Variants in ATP8A2 observed in about 807,000 individuals in gnomAD.
ATP8A2 encodes the protein phospholipid-transporting ATPase IB.
ATP8A2 carries 100 observed loss-of-function variants against 165.6 expected under a neutral mutation model. The observed-to-expected ratio is 0.60, with a 90% CI of 0.51 to 0.71. The LOEUF (loss-of-function observed/expected upper bound fraction) is 0.71. Among genes scored for constraint, ATP8A2 ranks in the 30% least tolerant of loss-of-function variants. The pLI, the probability that ATP8A2 is intolerant of heterozygous loss-of-function variation, is 0.00. For missense variants in ATP8A2, 1,227 were observed against 1,479.5 expected, an observed-to-expected ratio of 0.83 and a Z score of 2.80; for synonymous variants, 543 against 548.8, an observed-to-expected ratio of 0.99 and a Z score of 0.15.
chr13:25,500,017 C>A (rs1296789643), intron 2 of ATP8A2, among the ~76,000 whole-genome samples: 5 of 152,104 alleles, frequency 3.3e-5, no homozygotes, highest in Non-Finnish European at 7.3e-5. Flanking sequence ...TGAAACTCCC[C>A]AAACATGACA....
intron 2 of ATP8A2, among the ~76,000 whole-genome samples, chr13:25,501,531 T>C (rs1265174029): frequency 6.6e-6 from 1 of 152,220 alleles, no homozygotes; most frequent in Non-Finnish European, 1.5e-5. Context: ...ACATATTCCC[T>C]GGCAAGTTGT....
At chr13:25,654,176 C>T (rs17082600) in intron 24 of ATP8A2, among the ~76,000 whole-genome samples, 5,264 of 152,094 alleles carry the variant, frequency 0.035, 158 homozygotes, top group East Asian at 0.13. Flanking sequence ...CTTCTAAGGA[C>T]GGTAGCAGAG....
chr13:25,441,690 G>A (rs777817373), intron 1 of ATP8A2, among the ~76,000 whole-genome samples: 2 of 151,950 alleles, frequency 1.3e-5, no homozygotes, highest in Non-Finnish European at 2.9e-5. Flanking sequence ...CATCCTGCTT[G>A]GCATATATAC....
intron 25 of ATP8A2, among the ~76,000 whole-genome samples, chr13:25,762,268 CAAAAAAAAAAAAAA>C (rs59081934): frequency 4.8e-5 from 2 of 41,310 alleles, no homozygotes; most frequent in South Asian, 1.8e-3. Flanking sequence ...GACTCTGTCT[CAAAAAAAAAAAAAA>C]AAAAAAAAAA....
At chr13:25,731,682 A>G (rs982912000) in intron 25 of ATP8A2, among the ~76,000 whole-genome samples, 23 of 152,214 alleles carry the variant, frequency 1.5e-4, no homozygotes, top group African/African-American at 5.5e-4. Flanking sequence ...AGAATGTGGA[A>G]TATAACACCC....
chr13:25,710,405 C>A (rs929282470), intron 25 of ATP8A2, among the ~76,000 whole-genome samples: 2 of 152,132 alleles, frequency 1.3e-5, no homozygotes, highest in African/African-American at 4.8e-5. Context: ...GTTAGCCAAC[C>A]CCTCTGTATC....
chr13:25,537,707 A>G (rs1210865168), intron 6 of ATP8A2, among the ~76,000 whole-genome samples: 1 of 152,194 alleles, frequency 6.6e-6, no homozygotes, highest in African/African-American at 2.4e-5. Context: ...CATAATTGTA[A>G]GAAAACGAGA....
chr13:25,375,641 C>T (rs1391210580), intron 1 of ATP8A2, among the ~76,000 whole-genome samples: 2 of 150,168 alleles, frequency 1.3e-5, no homozygotes, highest in Non-Finnish European at 1.5e-5. Flanking sequence ...GGTGTGATCT[C>T]GGCTCACTGC....
chr13:25,917,138 A>G (rs1954292501), intron 33 of ATP8A2, among the ~76,000 whole-genome samples: 1 of 152,208 alleles, frequency 6.6e-6, no homozygotes, highest in Non-Finnish European at 1.5e-5. Context: ...TCTTCATGTC[A>G]GTAGAATTTT....
At chr13:25,469,910 CA>C (rs1226025737) in intron 2 of ATP8A2, among the ~76,000 whole-genome samples, 1 of 152,204 alleles carries the variant, frequency 6.6e-6, no homozygotes, top group Non-Finnish European at 1.5e-5. Context: ...ATTAAACTTT[CA>C]GGCTTAAACA....
intron 25 of ATP8A2, among the ~76,000 whole-genome samples, chr13:25,728,656 C>T (rs958898581): frequency 3.9e-5 from 6 of 152,092 alleles, no homozygotes; most frequent in East Asian, 1.9e-4. Flanking sequence ...TTCTAAAAAC[C>T]GTGCAAGTGA....
chr13:25,607,326 T>C (rs1054231757), intron 24 of ATP8A2, among the ~76,000 whole-genome samples: 12 of 152,110 alleles, frequency 7.9e-5, no homozygotes, highest in Non-Finnish European at 1.3e-4. Flanking sequence ...ATAAATAAAG[T>C]TTTATTGAAA....
At chr13:25,531,187 T>TATATATG (rs1491512636) in intron 4 of ATP8A2, among the ~76,000 whole-genome samples, 76 of 140,242 alleles carry the variant, frequency 5.4e-4, no homozygotes, top group Admixed American at 7.2e-4. Context: ...ATATATATGT[T>TATATATG]ATATATGTTA....
intron 33 of ATP8A2, among the ~76,000 whole-genome samples, chr13:25,948,043 G>GAGACTT (rs946541073): frequency 6.6e-6 from 1 of 152,128 alleles, no homozygotes; most frequent in African/African-American, 2.4e-5. Context: ...ATATAAAAAA[G>GAGACTT]AGACTTAGAC....
intron 33 of ATP8A2, among the ~76,000 whole-genome samples, chr13:25,952,037 G>A (rs886106387): frequency 1.3e-4 from 20 of 152,236 alleles, no homozygotes; most frequent in African/African-American, 4.6e-4. Flanking sequence ...ATTGGGATCG[G>A]GTGTGTGGGT....
chr13:25,429,119 G>C (rs923481806), intron 1 of ATP8A2, among the ~76,000 whole-genome samples: 2 of 152,118 alleles, frequency 1.3e-5, no homozygotes, highest in Non-Finnish European at 2.9e-5. Context: ...TGTAATCCCA[G>C]CACTTTGGGA....
chr13:26,014,323 G>T (rs113897331), intron 36 of ATP8A2, among the ~76,000 whole-genome samples: 2 of 152,194 alleles, frequency 1.3e-5, no homozygotes, highest in East Asian at 3.8e-4. Context: ...AAGGAAGAAG[G>T]CTTTATCTGG....
At chr13:25,571,736 G>A in intron 18 of ATP8A2, 44 bp downstream of exon 18, 2 of 1,501,742 alleles carry the variant, frequency 1.3e-6, no homozygotes, top group Middle Eastern at 1.7e-4. Context: ...CTGCTTTTGT[G>A]AAGATTGTGT....
intron 2 of ATP8A2, among the ~76,000 whole-genome samples, chr13:25,502,819 C>T (rs1189316331): frequency 6.6e-6 from 1 of 152,150 alleles, no homozygotes; most frequent in Non-Finnish European, 1.5e-5. Context: ...ACTCACACAC[C>T]TGGAGGCTGG....
Sources: allele counts gnomAD v4.1 joint callset (sites outside exome capture counted in the v4.1 genomes callset), GRCh38; gene constraint gnomAD v4.1.1; transcripts MANE v1.5; gene names NCBI Gene and HGNC (gene_info 2026-07-23, HGNC 2026-07-21).